Variants in NRXN3 observed in about 807,000 individuals in gnomAD.
NRXN3 encodes neurexin 3.
A neutral mutation model predicts 137.6 loss-of-function variants in NRXN3; 32 were observed. The ratio of observed to expected loss-of-function variants is 0.23; its 90% CI spans 0.18 to 0.31. NRXN3 has a LOEUF of 0.31. Among genes scored for constraint, NRXN3 ranks in the 10% least tolerant of loss-of-function variants. The pLI, the probability that NRXN3 is intolerant of heterozygous loss-of-function variation, is 1.00. For synonymous variants in NRXN3, 798 were observed against 784.5 expected (o/e 1.02, Z -0.29); for missense variants, 1,574 against 2,062.5 (o/e 0.76, Z 4.59).
intron 8 of NRXN3, among the ~76,000 whole-genome samples, chr14:78,724,500 A>G (rs1035344180): frequency 8.5e-5 from 13 of 152,142 alleles, no homozygotes; most frequent in African/African-American, 2.7e-4. Context: ...CCAATTTTAG[A>G]TGAAGAAACT....
At chr14:78,975,436 T>C (rs143691356) in intron 14 of NRXN3, among the ~76,000 whole-genome samples, 93 of 152,274 alleles carry the variant, frequency 6.1e-4, no homozygotes, top group Non-Finnish European at 1.2e-3. Flanking sequence ...TGGGGGGATA[T>C]GATAGCACAT....
intron 10 of NRXN3, among the ~76,000 whole-genome samples, chr14:78,899,477 G>C (rs2099188622): frequency 6.6e-6 from 1 of 152,052 alleles, no homozygotes; most frequent in Admixed American, 6.6e-5. Context: ...ACTAGATTTT[G>C]TTGTTTTGTG....
At position 78,400,447 on chromosome 14, in the gene NRXN3, T is replaced by C. The variant is rs73316016; in HGVS notation, c.757+102587T>C. On this transcript the variant is annotated intron_variant, in intron 4 of 20. Transcript: ENST00000335750. Reference sequence around the variant, plus strand: ...CTTTATGGGCATCTTTTATAGAAACTTTACCTAGCTGTCAGTCTATTAACT... The same window carrying C: ...CTTTATGGGCATCTTTTATAGAAACCTTACCTAGCTGTCAGTCTATTAACT... 6.0e-3 allele frequency among the ~76,000 whole-genome samples: 910 copies of C among 152,304 alleles called. 10 individuals are homozygous for C. Among genetic ancestry groups the C allele is most frequent in the African/African-American group, 0.021 (860 of 41,562 alleles).
In NRXN3 at chr14:78,223,084, C is replaced by A. The variant is rs536396087; in HGVS notation, c.-703-19307C>A. 5.9e-5 allele frequency among the ~76,000 whole-genome samples: 9 copies of A among 152,338 alleles called. No individual in the cohort carries two copies. In the East Asian group the frequency reaches 1.3e-3, roughly 23 times the overall value. Reference sequence around the variant, plus strand: ...CTAGGCATTCATGAAGTGTGAGACACAGTGCTTGCCAGAGGGTTGCATGAC... The same window carrying A: ...CTAGGCATTCATGAAGTGTGAGACAAAGTGCTTGCCAGAGGGTTGCATGAC... On this transcript the variant is annotated intron_variant, in intron 1 of 20. Transcript: ENST00000335750.
chr14:79,834,699 A>G (rs1430839224), intron 20 of NRXN3, among the ~76,000 whole-genome samples: 1 of 152,132 alleles, frequency 6.6e-6, no homozygotes, highest in Non-Finnish European at 1.5e-5. Flanking sequence ...AACCAAAACC[A>G]GGAAAGTTTG....
At chr14:79,754,539 T>TAC (rs2099011838) in intron 19 of NRXN3, among the ~76,000 whole-genome samples, 1 of 97,030 alleles carries the variant, frequency 1.0e-5, no homozygotes, top group Non-Finnish European at 1.9e-5. Flanking sequence ...TATATATATA[T>TAC]ATATATATAT....
chr14:78,880,450 G>A (rs1301267956), intron 10 of NRXN3, among the ~76,000 whole-genome samples: 1 of 152,018 alleles, frequency 6.6e-6, no homozygotes, highest in Non-Finnish European at 1.5e-5. Context: ...AATAGGATCT[G>A]AAAAGTTCAG....
intron 20 of NRXN3, chr14:79,853,869 C>G (rs935661378): frequency 1.0e-6 from 1 of 986,302 alleles, no homozygotes; most frequent in Non-Finnish European, 1.2e-6. Flanking sequence ...TAAAAGTAAA[C>G]AGGTTTTTTT....
At chr14:79,515,445 CT>C (rs1244424009) in intron 16 of NRXN3, among the ~76,000 whole-genome samples, 1 of 150,346 alleles carries the variant, frequency 6.7e-6, no homozygotes, top group Non-Finnish European at 1.5e-5. Context: ...TAGTCTAACC[CT>C]GAAGAGGCTG....
intron 6 of NRXN3, among the ~76,000 whole-genome samples, chr14:78,662,666 T>C (rs1464081474): frequency 6.6e-6 from 1 of 152,214 alleles, no homozygotes; most frequent in African/African-American, 2.4e-5. Context: ...AGTTCTACGA[T>C]GAATGACCTA....
At chr14:79,145,955 T>C (rs2059264514) in intron 15 of NRXN3, among the ~76,000 whole-genome samples, 1 of 152,120 alleles carries the variant, frequency 6.6e-6, no homozygotes, top group Non-Finnish European at 1.5e-5. Context: ...GGCACAGAGG[T>C]GTTACTTAAC....
chr14:79,322,527 AT>A (rs1799412387), intron 15 of NRXN3, among the ~76,000 whole-genome samples: 1 of 151,116 alleles, frequency 6.6e-6, no homozygotes, highest in African/African-American at 2.5e-5. Flanking sequence ...GAAGTTATTA[AT>A]TTTTTTCTAG....
At chr14:78,741,601 G>A (rs534428785) in intron 8 of NRXN3, among the ~76,000 whole-genome samples, 6 of 152,250 alleles carry the variant, frequency 3.9e-5, no homozygotes, top group African/African-American at 1.4e-4. Context: ...CTCATGAAAA[G>A]CATATGTTCA....
chr14:78,549,558 T>C (rs529723826), intron 4 of NRXN3, among the ~76,000 whole-genome samples: 2 of 152,324 alleles, frequency 1.3e-5, no homozygotes, highest in East Asian at 3.9e-4. Context: ...CAGTGCCTCA[T>C]CGATGTGCTC....
chr14:79,160,017 A>G, intron 15 of NRXN3, among the ~76,000 whole-genome samples: 1 of 151,890 alleles, frequency 6.6e-6, no homozygotes, highest in East Asian at 1.9e-4. Context: ...GCTTGCAGGA[A>G]ATTCCCAAAG....
intron 4 of NRXN3, among the ~76,000 whole-genome samples, chr14:78,315,634 A>C (rs2078620455): frequency 6.6e-6 from 1 of 152,182 alleles, no homozygotes; most frequent in Non-Finnish European, 1.5e-5. Context: ...AAGGGATGTG[A>C]CCTCTATCTT....
rs1275508962 is a variant in NRXN3, at chr14:79,309,053, G to A, written c.3263-158168G>A. On this transcript the variant is annotated intron_variant, in intron 15 of 20. Transcript: ENST00000335750. The stretch of plus-strand genomic sequence containing the variant: ...CCACTAACGTGTCATCTAGCATTAG[G>A]TATATCTCCCAATGCTATCCCTCCC... Among the ~76,000 whole-genome samples the A allele has an allele frequency of 9.3e-5, 9 of 97,006 alleles. No homozygotes were observed. In the South Asian group the frequency reaches 1.2e-3, roughly 13 times the overall value. 63.6% of individuals were successfully genotyped at this position (97,006 alleles called of 152,430 possible).
intron 4 of NRXN3, among the ~76,000 whole-genome samples, chr14:78,572,270 CCT>C (rs2096896987): frequency 6.6e-6 from 1 of 152,090 alleles, no homozygotes; most frequent in African/African-American, 2.4e-5. Context: ...CTCTGTCTCC[CCT>C]CTCTCTCCCT....
chr14:79,641,135 G>A (rs1175251503), intron 16 of NRXN3, among the ~76,000 whole-genome samples: 4 of 133,760 alleles, frequency 3.0e-5, no homozygotes, highest in African/African-American at 9.9e-5. Context: ...AGCCTCCTGA[G>A]TAACTGGGAT....
Sources: allele counts gnomAD v4.1 joint callset (sites outside exome capture counted in the v4.1 genomes callset), GRCh38; gene constraint gnomAD v4.1.1; transcripts MANE v1.5; gene names NCBI Gene and HGNC (gene_info 2026-07-23, HGNC 2026-07-21).